Variants in DCC observed in about 807,000 individuals in gnomAD.
DCC encodes the protein DCC netrin 1 receptor.
In DCC, 58 loss-of-function variants were observed where a neutral mutation model predicts 172.5. The ratio of observed to expected loss-of-function variants is 0.34; its 90% CI spans 0.27 to 0.42. The LOEUF is 0.42. Among genes scored for constraint, DCC ranks in the 10% least tolerant of loss-of-function variants. DCC has a pLI of 1.00. For missense variants in DCC, 1,740 were observed against 1,791.0 expected, an observed-to-expected ratio of 0.97 and a Z score of 0.51; for synonymous variants, 709 against 644.5, an observed-to-expected ratio of 1.10 and a Z score of -1.52.
At chr18:52,710,133 A>G (rs1178099442) in intron 1 of DCC, among the ~76,000 whole-genome samples, 1 of 152,232 alleles carries the variant, frequency 6.6e-6, no homozygotes, top group Non-Finnish European at 1.5e-5. Context: ...GGATATATTT[A>G]CAAAGATGCT....
At chr18:52,498,880 A>C (rs1193539054) in intron 1 of DCC, among the ~76,000 whole-genome samples, 2 of 152,066 alleles carry the variant, frequency 1.3e-5, no homozygotes, top group African/African-American at 4.8e-5. Flanking sequence ...TTTAACCTTA[A>C]TTACTTACTT....
intron 8 of DCC, among the ~76,000 whole-genome samples, chr18:53,161,832 T>C (rs1188341313): frequency 6.6e-6 from 1 of 152,200 alleles, no homozygotes; most frequent in Non-Finnish European, 1.5e-5. Flanking sequence ...CATCAAAATA[T>C]ATCCTGAATC....
At chr18:53,379,791 G>A (rs549994431) in intron 15 of DCC, among the ~76,000 whole-genome samples, 8 of 152,150 alleles carry the variant, frequency 5.3e-5, no homozygotes, top group Non-Finnish European at 1.2e-4. Flanking sequence ...TGTTCTACAA[G>A]AAAGGTTGGC....
At chr18:52,656,841 T>C (rs1173129098) in intron 1 of DCC, among the ~76,000 whole-genome samples, 10 of 152,114 alleles carry the variant, frequency 6.6e-5, no homozygotes, top group Non-Finnish European at 1.5e-4. Flanking sequence ...AGAGTGGCAT[T>C]CTAAATACAA....
chr18:53,411,121 T>C (rs1406008152), intron 20 of DCC, among the ~76,000 whole-genome samples: 1 of 120,926 alleles, frequency 8.3e-6, no homozygotes, highest in African/African-American at 2.6e-5. Context: ...AGAACCAAGG[T>C]AGAAACTATA....
chr18:53,343,552 G>T (rs1052524435), intron 15 of DCC, among the ~76,000 whole-genome samples: 1 of 151,370 alleles, frequency 6.6e-6, no homozygotes, highest in African/African-American at 2.4e-5. Context: ...AATTTGATTT[G>T]TTAATGCTTA....
chr18:53,021,366 A>G (rs1419690240), intron 5 of DCC, among the ~76,000 whole-genome samples: 2 of 152,198 alleles, frequency 1.3e-5, no homozygotes, highest in African/African-American at 2.4e-5. Flanking sequence ...GTGAGTGAAT[A>G]CTTGAGCAGA....
intron 17 of DCC, among the ~76,000 whole-genome samples, chr18:53,392,370 TCTA>T (rs1908607417): frequency 6.6e-6 from 1 of 152,156 alleles, no homozygotes; most frequent in Non-Finnish European, 1.5e-5. Context: ...GCCATTAACA[TCTA>T]CTTCATTTAG....
chr18:52,358,791 CT>C (rs1984492982), intron 1 of DCC, among the ~76,000 whole-genome samples: 1 of 152,174 alleles, frequency 6.6e-6, no homozygotes. Flanking sequence ...GGTATGCTTG[CT>C]GGCTTTCATG....
At chr18:52,819,852 G>A (rs2038372549) in intron 2 of DCC, among the ~76,000 whole-genome samples, 1 of 151,852 alleles carries the variant, frequency 6.6e-6, no homozygotes, top group African/African-American at 2.4e-5. Context: ...CTGAGTAGCT[G>A]GGACTACAGG....
intron 14 of DCC, among the ~76,000 whole-genome samples, chr18:53,338,408 C>A (rs1188000260): frequency 6.6e-6 from 1 of 152,166 alleles, no homozygotes; most frequent in Non-Finnish European, 1.5e-5. Flanking sequence ...TCAAGATAAT[C>A]CTGGCCAAGA....
chr18:53,511,635 T>C (rs1306410601), intron 27 of DCC, among the ~76,000 whole-genome samples: 1 of 152,178 alleles, frequency 6.6e-6, no homozygotes, highest in African/African-American at 2.4e-5. Flanking sequence ...GGGCGAGGCA[T>C]TGCGTCACTT....
At chr18:52,791,070 T>C (rs182170649) in intron 2 of DCC, among the ~76,000 whole-genome samples, 1 of 152,182 alleles carries the variant, frequency 6.6e-6, no homozygotes, top group East Asian at 1.9e-4. Context: ...GGTGGTGTGG[T>C]TGGAGCTGGC....
chr18:52,348,527 T>C (rs141816614), intron 1 of DCC, among the ~76,000 whole-genome samples: 1 of 152,338 alleles, frequency 6.6e-6, no homozygotes, highest in African/African-American at 2.4e-5. Context: ...TTAATTCGCA[T>C]TTTCCTGATT....
chr18:52,905,846 T>A (rs774974118), intron 2 of DCC, among the ~76,000 whole-genome samples, 198 bp from the exon 3 acceptor site: 5 of 152,214 alleles, frequency 3.3e-5, no homozygotes, highest in Non-Finnish European at 5.9e-5. Context: ...GACAACATCT[T>A]CATTACTTTT....
At chr18:52,440,565 G>T (rs990117782) in intron 1 of DCC, among the ~76,000 whole-genome samples, 2 of 152,166 alleles carry the variant, frequency 1.3e-5, no homozygotes, top group African/African-American at 4.8e-5. Flanking sequence ...ATATTGCATA[G>T]TAAACAGTAA....
chr18:52,923,579 A>C (rs759072774), intron 3 of DCC, 128 bp from the exon 4 acceptor site: 2 of 746,322 alleles, frequency 2.7e-6, no homozygotes, highest in Non-Finnish European at 4.7e-6. Flanking sequence ...CTATTTTAGG[A>C]GTTTACAAAT....
At chr18:52,575,175 T>C (rs756395865) in intron 1 of DCC, among the ~76,000 whole-genome samples, 2 of 152,214 alleles carry the variant, frequency 1.3e-5, no homozygotes, top group Admixed American at 6.5e-5. Flanking sequence ...TATATTTTTC[T>C]GGACCAATTC....
intron 2 of DCC, among the ~76,000 whole-genome samples, chr18:52,803,501 T>G (rs2038031541): frequency 6.6e-6 from 1 of 152,210 alleles, no homozygotes; most frequent in Non-Finnish European, 1.5e-5. Flanking sequence ...GTGCACATTT[T>G]AACTGTTTTA....
Sources: allele counts gnomAD v4.1 joint callset (sites outside exome capture counted in the v4.1 genomes callset), GRCh38; gene constraint gnomAD v4.1.1; transcripts MANE v1.5; gene names NCBI Gene and HGNC (gene_info 2026-07-23, HGNC 2026-07-21).